Variants in ODF2L observed in about 807,000 individuals in gnomAD.
ODF2L encodes outer dense fiber of sperm tails 2 like, also known as protein BCAP.
In ODF2L, 76 loss-of-function variants were observed where a neutral mutation model predicts 86.3. The ratio of observed to expected loss-of-function variants is 0.88; its 90% CI spans 0.73 to 1.07. ODF2L has a LOEUF of 1.07. Ranked by LOEUF, ODF2L falls within the 50% of genes least tolerant of loss-of-function variation. The pLI is 0.00. For synonymous variants in ODF2L, 241 were observed against 231.3 expected (o/e 1.04, Z -0.38); for missense variants, 748 against 717.4 (o/e 1.04, Z -0.49).
At chr1:86,370,972 T>C in intron 10 of ODF2L, 46 bp downstream of exon 10, 1 of 1,286,744 alleles carries the variant, frequency 7.8e-7, no homozygotes, top group Non-Finnish European at 1.0e-6. Context: ...AAGTAGACTA[T>C]GGTCATTACA....
intron 4 of ODF2L, among the ~76,000 whole-genome samples, chr1:86,384,453 T>C (rs1038617573): frequency 1.4e-5 from 2 of 147,534 alleles, no homozygotes; most frequent in South Asian, 2.1e-4. Flanking sequence ...CAATTAAGTA[T>C]GACAAAGTTT....
chr1:86,387,089 A>T lies in ODF2L; in HGVS notation c.-59-3T>A, dbSNP rs1241834879. On this transcript the variant is annotated splice_region_variant and splice_polypyrimidine_tract_variant and intron_variant, in intron 1 of 17. Transcript: ENST00000317336. ...GACTTCTCCACATAAGCTGAAAGCT[A>T]GGAAATATTTTAGTTATTAAATTTA... 3 of 741,364 alleles carry T rather than the reference A, an allele frequency of 4.0e-6. No homozygotes were observed. Among genetic ancestry groups the T allele is most frequent in the Non-Finnish European group, 4.4e-6 (2 of 456,816 alleles). The allele number at this position is 741,364 out of a possible 1,614,324, so 45.9% of individuals were successfully genotyped here.
intron 11 of ODF2L, among the ~76,000 whole-genome samples, chr1:86,362,329 T>G (rs1238391626): frequency 6.6e-6 from 1 of 151,956 alleles, no homozygotes; most frequent in African/African-American, 2.4e-5. Context: ...AAACAGGGTG[T>G]CAGGCCCAAG....
At chr1:86,353,802 A>G (rs938906119) in intron 16 of ODF2L, among the ~76,000 whole-genome samples, 1 of 152,146 alleles carries the variant, frequency 6.6e-6, no homozygotes, top group African/African-American at 2.4e-5. Context: ...ACAAACATTG[A>G]CGCCCTTGGC....
intron 16 of ODF2L, 56 bp downstream of exon 15, chr1:86,354,462 CAAGATGTTTAAA>C: frequency 9.9e-7 from 1 of 1,006,316 alleles, no homozygotes; most frequent in Non-Finnish European, 1.5e-6. Context: ...CTACAGGTTG[CAAGATGTTTAAA>C]AAGATGACTC....
downstream of ODF2L, chr1:86,348,872 G>A (rs1015558420): frequency 1.3e-6 from 2 of 1,547,928 alleles, no homozygotes; most frequent in Admixed American, 2.2e-5. Flanking sequence ...TCCTGATGTT[G>A]TGCTTTCTAA....
At chr1:86,355,284 T>C in intron 14 of ODF2L, 1 of 1,093,106 alleles carries the variant, frequency 9.1e-7, no homozygotes, top group Non-Finnish European at 1.3e-6. Flanking sequence ...GTCGAAACTG[T>C]AAATAAAATA....
chr1:86,375,437 C>T (rs2101089290), intron 8 of ODF2L, among the ~76,000 whole-genome samples: 1 of 152,122 alleles, frequency 6.6e-6, no homozygotes, highest in African/African-American at 2.4e-5. Context: ...ACTTTGTTTG[C>T]CATAAACTTT....
Position 86,387,065 on chromosome 1 carries a change from AC to A in ODF2L, c.-39del. On this transcript the variant is annotated 5_prime_UTR_variant, in exon 2 of 18. An upstream open reading frame in the 5' UTR loses its in-frame stop. Coordinates refer to ENST00000317336, the Ensembl canonical transcript of ODF2L. The stretch of plus-strand genomic sequence containing the variant: ...TGGATTTATAGGTGGCTTCACAGCG[AC>A]TTCTCCACATAAGCTGAAAGCTAGG... 1.1e-6 allele frequency: 1 copy of A among 922,854 alleles called. No homozygotes were observed. The allele number at this position is 922,854 out of a possible 1,614,324, so 57.2% of individuals were successfully genotyped here.
In ODF2L at chr1:86,394,846, T is replaced by TTC. The variant is rs1330724682; in HGVS notation, c.-60+1186_-60+1187insGA. 4.8e-5 allele frequency among the ~76,000 whole-genome samples: 7 copies of TTC among 146,708 alleles called. 1 individual carries two copies. The highest frequency in any genetic ancestry group is 9.0e-5 in the Non-Finnish European group (6 of 66,330). On this transcript the variant is annotated intron_variant, in intron 1 of 17. Transcript: ENST00000317336. Reference sequence around the variant, plus strand: ...TGCAGTTTGTTTCTTTTTCCTTTTTTTTTTTTTTTTTTGAGACAGAGTCTC... The same window carrying TTC: ...TGCAGTTTGTTTCTTTTTCCTTTTTTTCTTTTTTTTTTTTGAGACAGAGTCTC...
At chr1:86,362,269 A>G (rs564387498) in intron 11 of ODF2L, among the ~76,000 whole-genome samples, 1 of 151,458 alleles carries the variant, frequency 6.6e-6, no homozygotes. Flanking sequence ...CGATCTGACT[A>G]AATTTTTTTT....
intron 1 of ODF2L, among the ~76,000 whole-genome samples, chr1:86,392,519 G>T (rs1247523371): frequency 6.6e-6 from 1 of 152,140 alleles, no homozygotes; most frequent in Non-Finnish European, 1.5e-5. Context: ...CAGCAACATG[G>T]ATGGAATTGG....
At chr1:86,392,919 G>C (rs10782571) in intron 1 of ODF2L, among the ~76,000 whole-genome samples, 48,161 of 152,040 alleles carry the variant, frequency 0.32, 7,747 homozygotes, top group East Asian at 0.41. Flanking sequence ...AATTTTGCCA[G>C]TCTACTGCCA....
intron 8 of ODF2L, among the ~76,000 whole-genome samples, chr1:86,374,570 T>A (rs987251488): frequency 6.6e-6 from 1 of 152,192 alleles, no homozygotes; most frequent in African/African-American, 2.4e-5. Context: ...GCATTTAACA[T>A]CCTGGCCCCT....
chr1:86,348,845 CTTCT>C (rs1557992696), downstream of ODF2L: 1 of 1,559,502 alleles, frequency 6.4e-7, no homozygotes, highest in Non-Finnish European at 8.6e-7. Context: ...CTATTTTGTA[CTTCT>C]TTCAAACACA....
rs777372078 is a variant in ODF2L at position 86,371,120 on chromosome 1, T to C, written c.954A>G (p.Lys318=). ...ATGAATTTTTTCCATGGTCTTCCAT[T>C]TTCTTCAGATCTTCCAAAAGATTAA... Residue 318 remains lysine, a synonymous_variant, in exon 10 of 18, where the codon AAA becomes AAG. Transcript: ENST00000317336. 42 of 1,540,004 alleles carry C rather than the reference T, an allele frequency of 2.7e-5. 1 individual carries two copies. In the South Asian group the frequency reaches 5.1e-4, roughly 19 times the overall value.
At chr1:86,386,936 G>A (rs1195126500) in exon 2 of ODF2L, 3 of 1,581,284 alleles carry the variant, frequency 1.9e-6, no homozygotes, top group East Asian at 2.3e-5. Flanking sequence ...ACTTTCACTG[G>A]TACACCGTGG....
chr1:86,352,798 C>T, intron 17 of ODF2L, 61 bp downstream of exon 16: 1 of 1,026,022 alleles, frequency 9.7e-7, no homozygotes, highest in East Asian at 2.6e-5. Flanking sequence ...TTTGTATTTT[C>T]TACATGGTAA....
At chr1:86,382,985 T>C in exon 6 of ODF2L, 1 of 1,545,122 alleles carries the variant, frequency 6.5e-7, no homozygotes, top group Non-Finnish European at 8.9e-7. Flanking sequence ...CCTTTTCAAA[T>C]ACCTTCTTCT....
Sources: gnomAD v4.1 joint callset for allele counts (sites outside exome capture counted in the v4.1 genomes callset) on GRCh38, gnomAD v4.1.1 for gene constraint, MANE v1.5 for transcripts, NCBI Gene and HGNC (gene_info 2026-07-23, HGNC 2026-07-21) for gene names.